Variants in LAMA5 observed in about 807,000 individuals in gnomAD.
The protein encoded by LAMA5 is laminin subunit alpha 5.
Under a neutral mutation model 433.4 loss-of-function variants are expected in LAMA5, and 260 were observed. The observed-to-expected ratio is 0.60, with a 90% confidence interval of 0.54 to 0.66. The LOEUF is 0.66. LAMA5 is among the 30% of genes least tolerant of loss of function. The probability of loss-of-function intolerance (pLI) is 0.00; values close to 1 mark genes in which losing one functional copy is unlikely to be tolerated. For synonymous variants in LAMA5, 2,620 were observed against 2,226.6 expected, an observed-to-expected ratio of 1.18 and a Z score of -4.97; for missense variants, 5,378 against 5,258.5, an observed-to-expected ratio of 1.02 and a Z score of -0.70.
intron 45 of LAMA5, 73 bp from the exon 46 acceptor site, chr20:62,322,831 G>T: frequency 2.0e-6 from 2 of 989,736 alleles, no homozygotes; most frequent in Non-Finnish European, 2.9e-6. Flanking sequence ...ACCCTCCTAA[G>T]CCCTCACTTC....
At chr20:62,340,346 T>G (rs112578376) in intron 11 of LAMA5, among the ~76,000 whole-genome samples, 11,571 of 147,472 alleles carry the variant, frequency 0.078, 614 homozygotes, top group South Asian at 0.16. Context: ...AGTTTCGTTC[T>G]TGTTGCCCAG....
intron 9 of LAMA5, 141 bp downstream of exon 9, chr20:62,346,365 G>T: frequency 7.4e-7 from 1 of 1,352,492 alleles, no homozygotes; most frequent in Non-Finnish European, 1.0e-6. Context: ...CTGGGGACCC[G>T]CCCCGTGGCC....
At chr20:62,346,357 G>A (rs867070701) in intron 9 of LAMA5, 142 bp from the exon 10 acceptor site, 1 of 1,372,094 alleles carries the variant, frequency 7.3e-7, no homozygotes, top group South Asian at 1.4e-5. Flanking sequence ...CATGAGGGCT[G>A]GGGACCCGCC....
In LAMA5 at chr20:62,320,783, A is replaced by G. The variant is rs749371406; in HGVS notation, c.6604T>C (p.Trp2202Arg). Residue 2202 changes from tryptophan to arginine, a missense_variant, in exon 49 of 80, where the codon TGG becomes CGG. Physicochemically the swap from Trp to Arg is moderately radical, Grantham distance 101 (BLOSUM62 -3). Transcript: ENST00000252999. ...LRGINASSMA[W>R]ARLHRLNASI... ...GCGTTCAGCCTGTGCAGACGGGCCC[A>G]GGCCATGGAGCTGGCATTGATGCCA... 6.2e-7 allele frequency: 1 copy of G among 1,612,666 alleles called. No homozygotes were observed. The highest frequency in any genetic ancestry group is 8.5e-7 in the Non-Finnish European group (1 of 1,179,908).
intron 53 of LAMA5, 44 bp downstream of exon 53, chr20:62,318,410 G>A (rs201308139): frequency 2.1e-5 from 32 of 1,509,522 alleles, no homozygotes; most frequent in Non-Finnish European, 2.7e-5. Flanking sequence ...GCAGGGAGGA[G>A]GCGGGAAGAG....
At position 62,309,740 on chromosome 20, in the gene LAMA5, G is replaced by A. The variant is rs561677693; in HGVS notation, c.10924C>T (p.Pro3642Ser). The change falls in exon 79 of 80, where the codon CCT (proline) becomes TCT (serine). Residue 3642 changes from proline to serine, a missense_variant. Transcript: ENST00000252999. ...LLAAAAGAPA[P>S]LYLGGLPEPM... is the part of the protein sequence containing the mutation. ...CCAGGCAGGCCCCCGAGGTACAGAG[G>A]GGCTGGGGCACCAGCTGCAGCCGCC... is the stretch of plus-strand genomic sequence containing the variant. 21 of 1,602,960 alleles carry A rather than the reference G, an allele frequency of 1.3e-5. No homozygotes were observed. In the Admixed American group the frequency reaches 3.5e-4, roughly 27 times the overall value.
In LAMA5 at chr20:62,309,372, G is replaced by A. The variant is rs749611869; in HGVS notation, c.11052C>T (p.His3684=). 23 of 1,590,426 alleles carry A rather than the reference G, an allele frequency of 1.4e-5. No individual in the cohort carries two copies. The highest frequency in any genetic ancestry group is 5.6e-5 in the South Asian group (5 of 89,030). The change falls in exon 80 of 80, where the codon CAC becomes CAT. Residue 3684 remains histidine, a synonymous_variant. Transcript: ENST00000252999. The part of the protein sequence containing the change: ...PVAMTRSVEV[H]GAVGASGCPA... ...GGCAGCCACTGGCCCCCACTGCCCC[G>A]TGGACCTCCACAGAGCGAGTCATGG...
intron 57 of LAMA5, chr20:62,316,384 G>A (rs930324987): frequency 1.1e-5 from 6 of 537,212 alleles, no homozygotes; most frequent in African/African-American, 5.7e-5. Context: ...TAGCCCTCGG[G>A]TCAGCAGAGC....
intron 58 of LAMA5, among the ~76,000 whole-genome samples, chr20:62,315,491 G>T (rs1163357215): frequency 2.0e-5 from 3 of 152,026 alleles, no homozygotes; most frequent in African/African-American, 7.2e-5. Context: ...TCTCTCCTGG[G>T]CTTGCTGGGA....
intron 36 of LAMA5, 32 bp from the exon 37 acceptor site, chr20:62,327,701 C>T: frequency 6.2e-7 from 1 of 1,602,920 alleles, no homozygotes; most frequent in Non-Finnish European, 8.5e-7. Flanking sequence ...GAGTGGTCGG[C>T]AGGTGCCAGG....
chr20:62,317,506 T>C lies in LAMA5; in HGVS notation c.7357-7A>G. 1 of 1,538,182 alleles carries C rather than the reference T, an allele frequency of 6.5e-7. No homozygotes were observed. Among genetic ancestry groups the C allele is most frequent in the Non-Finnish European group, 8.8e-7 (1 of 1,139,440 alleles). On this transcript the variant is annotated splice_polypyrimidine_tract_variant and splice_region_variant and intron_variant, in intron 54 of 79. Coordinates refer to ENST00000252999, the MANE Select transcript of LAMA5 (RefSeq NM_005560.6). Reference sequence around the variant, plus strand: ...CGGCGAGGCGCTCCAGCTCCTGGAATTTGAGTGGACTTAGCCCCTCATCCT... The same window carrying C: ...CGGCGAGGCGCTCCAGCTCCTGGAACTTGAGTGGACTTAGCCCCTCATCCT...
chr20:62,356,427 T>C (rs996243050), intron 2 of LAMA5: 1 of 152,274 alleles, frequency 6.6e-6, no homozygotes, highest in East Asian at 1.9e-4. Context: ...CGCTGCTACA[T>C]GGTTCTGTGC....
At chr20:62,319,354 CCT>C (rs1011371170) in intron 51 of LAMA5, among the ~76,000 whole-genome samples, 4 of 151,922 alleles carry the variant, frequency 2.6e-5, no homozygotes, top group Non-Finnish European at 4.4e-5. Flanking sequence ...GCTGGCAGGT[CCT>C]GTTAGGCAGG....
intron 6 of LAMA5, among the ~76,000 whole-genome samples, chr20:62,347,371 A>G (rs1230876511): frequency 1.3e-5 from 2 of 152,122 alleles, no homozygotes; most frequent in African/African-American, 4.8e-5. Flanking sequence ...GGGTCAGTAG[A>G]GTCCCCCTTG....
At chr20:62,334,419 G>C in intron 21 of LAMA5, 77 bp from the exon 22 acceptor site, 1 of 1,516,856 alleles carries the variant, frequency 6.6e-7, no homozygotes, top group African/African-American at 1.4e-5. Context: ...GGTCTCCAGG[G>C]AGGGTGAGGC....
At chr20:62,347,718 A>G (rs1983600664) in intron 6 of LAMA5, among the ~76,000 whole-genome samples, 1 of 152,174 alleles carries the variant, frequency 6.6e-6, no homozygotes, top group South Asian at 2.1e-4. Flanking sequence ...TATTAGCCAG[A>G]CCACAGCGGG....
rs746059619 is a variant in LAMA5, at chr20:62,310,675, G to C, written c.10436C>G (p.Ser3479Cys). 8 of 1,603,456 alleles carry C rather than the reference G, an allele frequency of 5.0e-6. 1 individual carries two copies. The South Asian group carries it at 8.9e-5, about 18-fold the overall frequency. ...VGGLPASSHS[S>C]KLPVTVGFSG... ...CAAGATGGTTCTCACCGGAAGTTTG[G>C]AGCTGTGGCTGCTGGCCGGGAGGCC... is the stretch of plus-strand genomic sequence containing the variant. Residue 3479 changes from serine (S) to cysteine (C), a missense_variant, in exon 75 of 80, where the codon TCC becomes TGC. Transcript: ENST00000252999.
At position 62,333,929 on chromosome 20, in the gene LAMA5, C is replaced by A; in HGVS notation, c.2850G>T (p.Glu950Asp). The change falls in exon 23 of 80, where the codon GAG (glutamate) becomes GAT (aspartate). Residue 950 changes from glutamate to aspartate, a missense_variant. Transcript: ENST00000252999. ...MSVSGRVSVREEGRSATCANC... is the reference protein window; with the variant it reads ...MSVSGRVSVRDEGRSATCANC... ...TGGCGCAGGTGGCCGACCTGCCCTCCTCTCGCACAGAGACCCGCCCGCTCA... is the reference window on the plus strand; with the variant it reads ...TGGCGCAGGTGGCCGACCTGCCCTCATCTCGCACAGAGACCCGCCCGCTCA... 2 of 1,610,542 alleles carry A rather than the reference C, an allele frequency of 1.2e-6. No homozygotes were observed. The highest frequency in any genetic ancestry group is 1.1e-5 in the South Asian group (1 of 90,768).
rs1159621104 is a variant in LAMA5, at chr20:62,320,613, C to T, written c.6705G>A (p.Val2235=). 2.5e-6 allele frequency: 4 copies of T among 1,608,454 alleles called. No individual in the cohort carries two copies. The highest frequency in any genetic ancestry group is 2.2e-5 in the South Asian group (2 of 90,804). The change falls in exon 50 of 80, where the codon GTG becomes GTA. Residue 2235 remains valine, a synonymous_variant. Coordinates refer to ENST00000252999, the MANE Select transcript of LAMA5 (RefSeq NM_005560.6). The stretch of plus-strand genomic sequence containing the variant: ...CGAGGCTTGTGCTCTGCTGCTCCAG[C>T]ACCTCCAGCTGCTGTGCCGTCTCAT... ...PRHETAQQLE[V]LEQQSTSLGQ... is the part of the protein sequence containing the mutation.
Sources: allele counts gnomAD v4.1 joint callset (sites outside exome capture counted in the v4.1 genomes callset), GRCh38; gene constraint gnomAD v4.1.1; transcripts MANE v1.5; gene names NCBI Gene and HGNC (gene_info 2026-07-23, HGNC 2026-07-21).